CELF4: variants seen among roughly 807,000 people sequenced by gnomAD.
The protein encoded by CELF4 is CUGBP Elav-like family member 4.
A neutral mutation model predicts 59.9 loss-of-function variants in CELF4; 18 were observed. The ratio of observed to expected loss-of-function variants is 0.30; its 90% CI spans 0.21 to 0.45. CELF4 has a LOEUF of 0.45. Among genes scored for constraint, CELF4 ranks in the 20% least tolerant of loss-of-function variants. The pLI is 1.00. For missense variants in CELF4, 456 were observed against 689.0 expected (o/e 0.66, Z 3.79); for synonymous variants, 261 against 267.1 (o/e 0.98, Z 0.22).
At chr18:37,367,481 G>T (rs1483845555) in intron 2 of CELF4, among the ~76,000 whole-genome samples, 1 of 151,988 alleles carries the variant, frequency 6.6e-6, no homozygotes, top group Non-Finnish European at 1.5e-5. Context: ...AGAGGGAAAG[G>T]ATGCTCTGGG....
intron 11 of CELF4, among the ~76,000 whole-genome samples, chr18:37,255,025 C>T (rs1045655448): frequency 1.3e-5 from 2 of 152,158 alleles, no homozygotes; most frequent in East Asian, 1.9e-4. Context: ...GTAAATGAAC[C>T]TTTATAGCTT....
chr18:37,280,233 G>C (rs544434261), intron 3 of CELF4, among the ~76,000 whole-genome samples: 2 of 151,856 alleles, frequency 1.3e-5, no homozygotes, highest in Non-Finnish European at 1.5e-5. Context: ...GTCAGGTGAA[G>C]ATGCTTACAG....
chr18:37,523,938 A>G (rs1435590867), intron 1 of CELF4, among the ~76,000 whole-genome samples: 1 of 152,158 alleles, frequency 6.6e-6, no homozygotes, highest in Non-Finnish European at 1.5e-5. Flanking sequence ...TGCCCTTTGC[A>G]TGTCACTACC....
At chr18:37,329,247 C>T (rs2097444087) in intron 2 of CELF4, among the ~76,000 whole-genome samples, 2 of 152,216 alleles carry the variant, frequency 1.3e-5, no homozygotes, top group Non-Finnish European at 2.9e-5. Flanking sequence ...GGAGAAGTTT[C>T]CAAGGGATTT....
chr18:37,492,448 G>A (rs182582365), intron 1 of CELF4, among the ~76,000 whole-genome samples: 1 of 152,316 alleles, frequency 6.6e-6, no homozygotes, highest in Admixed American at 6.5e-5. Flanking sequence ...TCGCAAGAGG[G>A]AGGGAGGGAA....
intron 3 of CELF4, among the ~76,000 whole-genome samples, chr18:37,285,905 G>A (rs778105291): frequency 3.9e-5 from 6 of 152,180 alleles, no homozygotes; most frequent in African/African-American, 1.2e-4. Flanking sequence ...GGGACTTTTC[G>A]CAGCCGAACT....
intron 3 of CELF4, among the ~76,000 whole-genome samples, chr18:37,281,574 G>A (rs1009423840): frequency 1.1e-4 from 17 of 152,306 alleles, no homozygotes; most frequent in Non-Finnish European, 2.1e-4. Context: ...TGGTGGGGTG[G>A]GCAGAGAGGC....
At chr18:37,463,126 A>C (rs1254499939) in intron 2 of CELF4, among the ~76,000 whole-genome samples, 2 of 152,218 alleles carry the variant, frequency 1.3e-5, no homozygotes, top group Non-Finnish European at 2.9e-5. Context: ...GTCTGATGTG[A>C]TTTGTAGATG....
At chr18:37,350,014 G>A (rs766139832) in intron 2 of CELF4, among the ~76,000 whole-genome samples, 14 of 152,174 alleles carry the variant, frequency 9.2e-5, no homozygotes, top group Admixed American at 4.6e-4. Context: ...CCTCCAGGAG[G>A]AGGAGAGATA....
intron 2 of CELF4, among the ~76,000 whole-genome samples, chr18:37,418,117 C>T (rs1431463431): frequency 6.6e-6 from 1 of 152,164 alleles, no homozygotes; most frequent in East Asian, 1.9e-4. Flanking sequence ...GTCTTTCCTC[C>T]CCAGTTCTCT....
At chr18:37,277,735 C>G (rs907572063) in intron 3 of CELF4, among the ~76,000 whole-genome samples, 3 of 152,178 alleles carry the variant, frequency 2.0e-5, no homozygotes, top group Non-Finnish European at 4.4e-5. Context: ...TAAAACTCTT[C>G]TTTCCAGGCA....
rs915331408 is a variant in CELF4 at position 37,303,403 on chromosome 18, G to C, written c.448+18400C>G. On this transcript the variant is annotated intron_variant, in intron 3 of 12. Transcript: ENST00000420428. ...ACAGTCGTTGAAATTGAAAAATGGT[G>C]CTCAGTGAAGGGTTTAAAGACATTT... Among the ~76,000 whole-genome samples the C allele has an allele frequency of 8.5e-5, 13 of 152,168 alleles. 1 individual carries two copies. Among genetic ancestry groups the C allele is most frequent in the Admixed American group, 8.5e-4 (13 of 15,288 alleles).
At chr18:37,448,715 C>T (rs2099754980) in intron 2 of CELF4, among the ~76,000 whole-genome samples, 1 of 152,248 alleles carries the variant, frequency 6.6e-6, no homozygotes, top group Non-Finnish European at 1.5e-5. Context: ...ATGGGTCTGG[C>T]AGCCTCGAGT....
chr18:37,301,862 G>T (rs544808313), intron 3 of CELF4, among the ~76,000 whole-genome samples: 1 of 152,310 alleles, frequency 6.6e-6, no homozygotes, highest in East Asian at 1.9e-4. Context: ...GTGTGGGAAA[G>T]TTCCTGTCCA....
chr18:37,395,246 C>T (rs1037934155), intron 2 of CELF4, among the ~76,000 whole-genome samples: 2 of 152,124 alleles, frequency 1.3e-5, no homozygotes, highest in Admixed American at 6.5e-5. Flanking sequence ...TTACAACCCA[C>T]GGTCCTGGTG....
chr18:37,391,022 G>A (rs1458658486), intron 2 of CELF4, among the ~76,000 whole-genome samples: 1 of 152,138 alleles, frequency 6.6e-6, no homozygotes, highest in Non-Finnish European at 1.5e-5. Context: ...CAGCAGCCCT[G>A]AATGTGGAGG....
At chr18:37,463,133 G>A (rs894204442) in intron 2 of CELF4, among the ~76,000 whole-genome samples, 1 of 152,202 alleles carries the variant, frequency 6.6e-6, no homozygotes, top group African/African-American at 2.4e-5. Flanking sequence ...GTGATTTGTA[G>A]ATGCAAATTG....
intron 2 of CELF4, among the ~76,000 whole-genome samples, chr18:37,378,843 T>G (rs899963637): frequency 3.3e-5 from 5 of 151,536 alleles, no homozygotes; most frequent in Non-Finnish European, 5.9e-5. Context: ...ACAGCATGGA[T>G]GGGGCAGCAT....
chr18:37,307,085 C>T (rs1222070635), intron 3 of CELF4, among the ~76,000 whole-genome samples: 6 of 151,868 alleles, frequency 4.0e-5, no homozygotes, highest in South Asian at 2.1e-4. Context: ...TCCCCAGGAG[C>T]GGTGAGGGAA....
Sources: allele counts gnomAD v4.1 joint callset (sites outside exome capture counted in the v4.1 genomes callset), GRCh38; gene constraint gnomAD v4.1.1; transcripts MANE v1.5; gene names NCBI Gene and HGNC (gene_info 2026-07-23, HGNC 2026-07-21).